RAPGEF2: variants seen among roughly 807,000 people sequenced by gnomAD.
RAPGEF2 encodes the protein Rap guanine nucleotide exchange factor 2.
RAPGEF2 carries 54 observed loss-of-function variants against 186.7 expected under a neutral mutation model. That is an observed-to-expected ratio of 0.29 (90% confidence interval 0.23 to 0.36). The LOEUF is 0.36. Ranked by LOEUF, RAPGEF2 falls within the 10% of genes least tolerant of loss-of-function variation. The probability of loss-of-function intolerance (pLI) is 1.00; values close to 1 mark genes in which losing one functional copy is unlikely to be tolerated. For missense variants in RAPGEF2, 1,532 were observed against 2,045.0 expected (o/e 0.75, Z 4.84); for synonymous variants, 712 against 705.9 (o/e 1.01, Z -0.14).
In RAPGEF2 at chr4:159,360,112, AGTTTGT is replaced by A. The variant is rs1420062775; in HGVS notation, c.*1974_*1979del. ...GTACTATGTTTATGCTTCTACATCCAGTTTGTACAAGCTGGAAAATAAATAAATATA... is the reference window on the plus strand; with the variant it reads ...GTACTATGTTTATGCTTCTACATCCAACAAGCTGGAAAATAAATAAATATA... On this transcript the variant is annotated 3_prime_UTR_variant, in exon 30 of 30. Transcript: ENST00000691494. The A allele has an allele frequency of 3.9e-5, 6 of 152,228 alleles. No homozygotes were observed. The East Asian group carries it at 7.7e-4, about 20-fold the overall frequency. The allele number at this position is 152,228 out of a possible 1,614,324, so 9.4% of individuals were successfully genotyped here. A position where few individuals can be genotyped will look rare whatever the true frequency, so the allele number is the denominator to read the frequency against.
At chr4:159,149,270 T>C (rs2111186236) in intron 1 of RAPGEF2, among the ~76,000 whole-genome samples, 1 of 152,320 alleles carries the variant, frequency 6.6e-6, no homozygotes, top group East Asian at 1.9e-4. Context: ...TTTGTTTGTT[T>C]GCTTTTTTGA....
chr4:159,116,496 TGTG>T (rs983726096), intron 1 of RAPGEF2, among the ~76,000 whole-genome samples: 6 of 152,128 alleles, frequency 3.9e-5, no homozygotes, highest in African/African-American at 1.2e-4. Flanking sequence ...TGGAAGACGG[TGTG>T]GTGATTCCTC....
intron 1 of RAPGEF2, among the ~76,000 whole-genome samples, chr4:159,108,747 G>C (rs1342193817): frequency 6.6e-6 from 1 of 151,946 alleles, no homozygotes; most frequent in Non-Finnish European, 1.5e-5. Flanking sequence ...GTAAGAGAGC[G>C]AGATATATAT....
At chr4:159,253,071 T>C (rs113950712) in intron 7 of RAPGEF2, among the ~76,000 whole-genome samples, 43 of 152,254 alleles carry the variant, frequency 2.8e-4, no homozygotes, top group African/African-American at 9.6e-4. Flanking sequence ...TGTTGTGATA[T>C]GCTGTTCTGG....
intron 3 of RAPGEF2, among the ~76,000 whole-genome samples, chr4:159,205,115 T>A (rs1200758358): frequency 6.6e-6 from 1 of 152,242 alleles, no homozygotes; most frequent in Non-Finnish European, 1.5e-5. Context: ...CTGCCATTTG[T>A]TCCTCTTGGG....
chr4:159,337,756 G>A (rs1353720953), intron 17 of RAPGEF2, among the ~76,000 whole-genome samples: 1 of 151,496 alleles, frequency 6.6e-6, no homozygotes, highest in Non-Finnish European at 1.5e-5. Flanking sequence ...CGGGCATGGT[G>A]GCGGACGCCT....
At chr4:159,339,068 T>C in intron 18 of RAPGEF2, 46 bp from the exon 19 acceptor site, 1 of 1,580,198 alleles carries the variant, frequency 6.3e-7, no homozygotes, top group Non-Finnish European at 8.6e-7. Flanking sequence ...CATTGCCATA[T>C]ATTAAAATTC....
chr4:159,298,265 T>C (rs1236346551), intron 7 of RAPGEF2, among the ~76,000 whole-genome samples: 1 of 152,184 alleles, frequency 6.6e-6, no homozygotes, highest in Non-Finnish European at 1.5e-5. Flanking sequence ...AAAATAAATT[T>C]TATATTTTAC....
At chr4:159,261,338 G>A (rs6824044) in intron 7 of RAPGEF2, among the ~76,000 whole-genome samples, 151,545 of 152,266 alleles carry the variant, frequency 1, 75,420 homozygotes, top group Middle Eastern at 1. Context: ...CTGGGATTAC[G>A]GGCGTGAGCC....
chr4:159,182,720 TA>T (rs1370490926), intron 1 of RAPGEF2, among the ~76,000 whole-genome samples: 1 of 152,220 alleles, frequency 6.6e-6, no homozygotes, highest in Non-Finnish European at 1.5e-5. Flanking sequence ...AAAAGGTTTC[TA>T]ATTCCTTATC....
intron 1 of RAPGEF2, among the ~76,000 whole-genome samples, chr4:159,148,436 A>C (rs535953302): frequency 1.3e-5 from 2 of 152,322 alleles, no homozygotes; most frequent in African/African-American, 4.8e-5. Flanking sequence ...ATGATTCCTT[A>C]ATAAAGAGAA....
intron 1 of RAPGEF2, among the ~76,000 whole-genome samples, chr4:159,123,140 GTAGGC>G (rs1333562201): frequency 6.6e-6 from 1 of 152,152 alleles, no homozygotes; most frequent in Non-Finnish European, 1.5e-5. Context: ...CTGGTCAACA[GTAGGC>G]TATTAGTAGC....
chr4:159,207,349 T>C (rs546168793), intron 3 of RAPGEF2, among the ~76,000 whole-genome samples: 12 of 152,340 alleles, frequency 7.9e-5, no homozygotes, highest in Admixed American at 2.0e-4. Flanking sequence ...GAACACTGGT[T>C]GCCTTTCACT....
intron 4 of RAPGEF2, among the ~76,000 whole-genome samples, chr4:159,228,888 C>T (rs1320106257): frequency 6.6e-6 from 1 of 151,968 alleles, no homozygotes; most frequent in Non-Finnish European, 1.5e-5. Context: ...AAAATTTATT[C>T]TTATATATGT....
chr4:159,264,844 A>G (rs1221770488), intron 7 of RAPGEF2, among the ~76,000 whole-genome samples: 1 of 152,100 alleles, frequency 6.6e-6, no homozygotes, highest in Non-Finnish European at 1.5e-5. Context: ...AGAGTAGAGC[A>G]TTATATATTA....
intron 1 of RAPGEF2, among the ~76,000 whole-genome samples, chr4:159,130,273 C>A (rs1740882898): frequency 6.6e-6 from 1 of 152,120 alleles, no homozygotes; most frequent in Non-Finnish European, 1.5e-5. Flanking sequence ...CTTATCTCAT[C>A]CTGTGACCAA....
intron 20 of RAPGEF2, 42 bp from the exon 21 acceptor site, chr4:159,342,937 T>C (rs1327098984): frequency 1.3e-5 from 20 of 1,535,770 alleles, no homozygotes; most frequent in Non-Finnish European, 1.8e-5. Context: ...TGTACACTAT[T>C]TTACTTTAGT....
chr4:159,120,335 AT>A (rs1739529781), intron 1 of RAPGEF2, among the ~76,000 whole-genome samples: 1 of 152,142 alleles, frequency 6.6e-6, no homozygotes. Flanking sequence ...ATCACTTCTT[AT>A]AAGTATATAT....
At chr4:159,340,667 CCACACACACACACACACACACACACA>C (rs3071283) in intron 19 of RAPGEF2, among the ~76,000 whole-genome samples, 1 of 76,846 alleles carries the variant, frequency 1.3e-5, no homozygotes, top group Non-Finnish European at 2.6e-5. Flanking sequence ...ACCACCATCA[CCACACACACACACACACACACACACA>C]CACACACACA....
Sources: allele counts gnomAD v4.1 joint callset (sites outside exome capture counted in the v4.1 genomes callset), GRCh38; gene constraint gnomAD v4.1.1; transcripts MANE v1.5; gene names NCBI Gene and HGNC (gene_info 2026-07-23, HGNC 2026-07-21).